The following HABP4 variants were observed in gnomAD, a reference collection of about 807,000 sequenced individuals.
HABP4 encodes the protein hyaluronan binding protein 4.
HABP4 carries 32 observed loss-of-function variants against 44.1 expected under a neutral mutation model. The observed-to-expected ratio is 0.73, with a 90% CI of 0.55 to 0.97. The LOEUF (loss-of-function observed/expected upper bound fraction) is 0.97. Among genes scored for constraint, HABP4 ranks in the 50% least tolerant of loss-of-function variants. HABP4 has a pLI of 0.00. For missense variants in HABP4, 503 were observed against 561.9 expected, an observed-to-expected ratio of 0.90 and a Z score of 1.06; for synonymous variants, 216 against 218.0, an observed-to-expected ratio of 0.99 and a Z score of 0.08.
At chr9:96,481,388 G>A (rs7033093) in intron 5 of HABP4, among the ~76,000 whole-genome samples, 3,674 of 151,948 alleles carry the variant, frequency 0.024, 155 homozygotes, top group African/African-American at 0.085. Context: ...CACCGCGCCC[G>A]GCCTGTTTTT....
chr9:96,485,139 G>A (rs1247027285), intron 6 of HABP4, among the ~76,000 whole-genome samples: 6 of 151,672 alleles, frequency 4.0e-5, no homozygotes, highest in Non-Finnish European at 2.9e-5. Flanking sequence ...CGCAACCTCC[G>A]CCTCCCGGGT....
intron 5 of HABP4, 81 bp from the exon 6 acceptor site, chr9:96,484,381 A>G: frequency 1.5e-6 from 1 of 655,756 alleles, no homozygotes; most frequent in East Asian, 2.6e-5. Context: ...TGTTGAATTA[A>G]TGGTTATAAC....
chr9:96,474,143 T>C (rs1832742304), intron 5 of HABP4, among the ~76,000 whole-genome samples: 2 of 152,192 alleles, frequency 1.3e-5, no homozygotes, highest in African/African-American at 4.8e-5. Flanking sequence ...GCCACAGTGA[T>C]TGATGATTGT....
chr9:96,451,993 C>T (rs566375941), intron 1 of HABP4, among the ~76,000 whole-genome samples: 4 of 152,066 alleles, frequency 2.6e-5, no homozygotes, highest in Middle Eastern at 3.4e-3. Context: ...TTTGGGAGTC[C>T]GAGGCGGGCG....
intron 5 of HABP4, among the ~76,000 whole-genome samples, chr9:96,476,262 T>C (rs1243371180): frequency 6.6e-6 from 1 of 152,204 alleles, no homozygotes; most frequent in Non-Finnish European, 1.5e-5. Flanking sequence ...ATTAATTATA[T>C]CTAACTATTG....
chr9:96,488,174 G>A lies in HABP4; in HGVS notation c.1085G>A (p.Gly362Asp). 6.2e-7 allele frequency: 1 copy of A among 1,613,004 alleles called. No homozygotes were observed. Among genetic ancestry groups the A allele is most frequent in the Non-Finnish European group, 8.5e-7 (1 of 1,178,950 alleles). Reference protein sequence around the residue: ...DITSQLEINFGNLPRPGRGAR... With the variant: ...DITSQLEINFDNLPRPGRGAR... Reference sequence around the variant, plus strand: ...ACATCCCAGCTGGAGATTAATTTTGGTAACCTCCCTCGTCCTGGGCGTGGA... The same window carrying A: ...ACATCCCAGCTGGAGATTAATTTTGATAACCTCCCTCGTCCTGGGCGTGGA... The change falls in exon 7 of 8, where the codon GGT (glycine) becomes GAT (aspartate). Residue 362 changes from glycine to aspartate, a missense_variant. Coordinates refer to ENST00000375249, the MANE Select transcript of HABP4 (RefSeq NM_014282.4). This position sits in a 1 kb window ranked among gnomAD's most constrained non-coding sequence, Gnocchi z 4.6.
chr9:96,472,568 C>G (rs558334715), intron 5 of HABP4, among the ~76,000 whole-genome samples: 4 of 152,198 alleles, frequency 2.6e-5, no homozygotes, highest in African/African-American at 4.8e-5. Context: ...GCCATCCCCC[C>G]CGACCTCTTC....
chr9:96,476,092 G>A (rs933193656), intron 5 of HABP4, among the ~76,000 whole-genome samples: 1 of 152,028 alleles, frequency 6.6e-6, no homozygotes, highest in Non-Finnish European at 1.5e-5. Context: ...TTCCATCTAG[G>A]TATTTTTCTG....
At chr9:96,466,577 C>A (rs997529534) in intron 4 of HABP4, among the ~76,000 whole-genome samples, 4 of 152,046 alleles carry the variant, frequency 2.6e-5, no homozygotes, top group African/African-American at 9.7e-5. Context: ...TATGTTTTTA[C>A]CTTTCAAAGT....
intron 6 of HABP4, among the ~76,000 whole-genome samples, chr9:96,486,646 A>G (rs1276248416): frequency 6.6e-6 from 1 of 150,646 alleles, no homozygotes; most frequent in Non-Finnish European, 1.5e-5. Flanking sequence ...ATCTTGGAGG[A>G]TTGAAGATTT....
At chr9:96,485,329 G>A (rs1230631983) in intron 6 of HABP4, among the ~76,000 whole-genome samples, 1 of 152,172 alleles carries the variant, frequency 6.6e-6, no homozygotes, top group Admixed American at 6.5e-5. Flanking sequence ...GGGATTACAG[G>A]CGTGAGCCAC....
chr9:96,450,173 C>A lies in HABP4; in HGVS notation c.-107C>A. On this transcript the variant is annotated 5_prime_UTR_variant, in exon 1 of 8. Coordinates refer to ENST00000375249, the MANE Select transcript of HABP4 (RefSeq NM_014282.4). This position sits in a 1 kb window ranked among gnomAD's most constrained non-coding sequence, Gnocchi z 4.8. ...CCGGTAGGGGCCGGACAGGGTAGGG[C>A]CCGGAGGGCGGTGGCGGCGGAGCGG... 2 of 1,134,042 alleles carry A rather than the reference C, an allele frequency of 1.8e-6. No individual in the cohort carries two copies. The highest frequency in any genetic ancestry group is 2.2e-6 in the Non-Finnish European group (2 of 909,624). 70.2% of individuals were successfully genotyped at this position (1,134,042 alleles called of 1,614,324 possible).
At chr9:96,470,962 T>G in intron 4 of HABP4, 49 bp from the exon 5 acceptor site, 2 of 1,006,424 alleles carry the variant, frequency 2.0e-6, no homozygotes, top group Admixed American at 1.8e-5. Context: ...TACAAAGGCA[T>G]TGGTATGAAT....
chr9:96,455,937 C>T (rs1832367641), intron 1 of HABP4, among the ~76,000 whole-genome samples: 3 of 152,064 alleles, frequency 2.0e-5, no homozygotes, highest in Non-Finnish European at 4.4e-5. Flanking sequence ...TGTCTGTAAT[C>T]CCAGCTACTT....
Position 96,450,664 on chromosome 9 carries a change from C to T in HABP4, c.349+36C>T, listed in dbSNP as rs908585583. On this transcript the variant is annotated intron_variant, in intron 1 of 7. Transcript: ENST00000375249. This position sits in a 1 kb window ranked among gnomAD's most constrained non-coding sequence, Gnocchi z 4.8. ...ACAGCGGGGTTAGCGGACCACGGCT[C>T]GGCCCGCTGTGAGACTGGGGTCCCG... is the stretch of plus-strand genomic sequence containing the variant. 4.8e-6 allele frequency: 6 copies of T among 1,241,786 alleles called. No individual in the cohort carries two copies. Among genetic ancestry groups the T allele is most frequent in the Non-Finnish European group, 6.1e-6 (6 of 990,892 alleles). The allele number at this position is 1,241,786 out of a possible 1,614,324, so 76.9% of individuals were successfully genotyped here. A position where few individuals can be genotyped will look rare whatever the true frequency, so the allele number is the denominator to read the frequency against.
At chr9:96,476,906 G>A (rs1832794099) in intron 5 of HABP4, among the ~76,000 whole-genome samples, 1 of 152,234 alleles carries the variant, frequency 6.6e-6, no homozygotes, top group South Asian at 2.1e-4. Flanking sequence ...CTCTATTCTT[G>A]AATGAGGTGC....
rs150935480 is a variant in HABP4 at position 96,473,453 on chromosome 9, G to A, written c.827+2359G>A. On this transcript the variant is annotated intron_variant, in intron 5 of 7. Coordinates refer to ENST00000375249, the MANE Select transcript of HABP4 (RefSeq NM_014282.4). ...CCGAGCATCACCACTCACCAGCGTC[G>A]TCTAAGCCATTGTTATCTGGACCAC... Among the ~76,000 whole-genome samples the A allele has an allele frequency of 1.0e-3, 158 of 152,252 alleles. No homozygotes were observed. In the East Asian group the frequency reaches 0.013, roughly 12 times the overall value.
chr9:96,469,148 A>G (rs539614128), intron 4 of HABP4, among the ~76,000 whole-genome samples: 1 of 152,314 alleles, frequency 6.6e-6, no homozygotes, highest in African/African-American at 2.4e-5. Context: ...AATTTTTTCT[A>G]TTTATCTGTG....
In HABP4 at chr9:96,488,178, C is replaced by G; in HGVS notation, c.1089C>G (p.Asn363Lys). The change falls in exon 7 of 8, where the codon AAC (asparagine) becomes AAG (lysine). Residue 363 changes from asparagine to lysine, a missense_variant. Asn to Lys is a moderately conservative substitution (Grantham distance 94). Around this residue, in one of 3 missense-constraint regions of HABP4, gnomAD observed 82 missense variants for 71.6 expected, o/e 1.15. Transcript: ENST00000375249. This position sits in a 1 kb window ranked among gnomAD's most constrained non-coding sequence, Gnocchi z 4.6. ...CCCAGCTGGAGATTAATTTTGGTAA[C>G]CTCCCTCGTCCTGGGCGTGGAGCCA... is the stretch of plus-strand genomic sequence containing the variant. ...ITSQLEINFG[N>K]LPRPGRGARG... is the part of the protein sequence containing the mutation. 1 of 1,612,746 alleles carries G rather than the reference C, an allele frequency of 6.2e-7. No homozygotes were observed.
Sources: allele counts gnomAD v4.1 joint callset (sites outside exome capture counted in the v4.1 genomes callset), GRCh38; gene constraint gnomAD v4.1.1; regional missense constraint gnomAD v4.1.1; non-coding constraint Gnocchi (gnomAD v3.1); transcripts MANE v1.5; gene names NCBI Gene and HGNC (gene_info 2026-07-23, HGNC 2026-07-21).